Variants in BLM observed in about 807,000 individuals in gnomAD.
The protein encoded by BLM is BLM RecQ like helicase, also known as recQ-like DNA helicase BLM.
BLM carries 95 observed loss-of-function variants against 135.3 expected under a neutral mutation model. The ratio of observed to expected loss-of-function variants is 0.70; its 90% confidence interval spans 0.59 to 0.83. BLM has a LOEUF of 0.83. Among genes scored for constraint, BLM ranks in the 40% least tolerant of loss-of-function variants. BLM has a pLI of 0.00. For missense variants in BLM, 1,518 were observed against 1,663.9 expected, an observed-to-expected ratio of 0.91 and a Z score of 1.53; for synonymous variants, 520 against 589.2, an observed-to-expected ratio of 0.88 and a Z score of 1.70.
chr15:90,769,429 T>C lies in BLM; in HGVS notation c.2407-9T>C, dbSNP rs749544427. On this transcript the variant is annotated splice_polypyrimidine_tract_variant and intron_variant, in intron 11 of 21. Coordinates refer to ENST00000355112, the MANE Select transcript of BLM (RefSeq NM_000057.4). ...TAGTCTGAAAAGCAGTATTTTTTTT[T>C]CCAACTAGTGGGGACATGATTTTCG... The C allele has an allele frequency of 1.4e-5, 23 of 1,614,164 alleles. 1 individual carries two copies. In the South Asian group the frequency reaches 1.9e-4, roughly 13 times the overall value.
rs1896884343 is a variant in BLM, at chr15:90,790,724, C to T, written c.2899C>T (p.Pro967Ser). The change falls in exon 15 of 22, where the codon CCT becomes TCT. Residue 967 changes from proline (P) to serine (S), a missense_variant. Transcript: ENST00000355112. ...DVRFVIHASL[P>S]KSVEGYYQES... ...GCGATTTGTGATTCATGCATCTCTC[C>T]CTAAATCTGTGGAGGGTTACTACCA... 6.2e-7 allele frequency: 1 copy of T among 1,614,114 alleles called. No individual in the cohort carries two copies. The highest frequency in any genetic ancestry group is 8.5e-7 in the Non-Finnish European group (1 of 1,180,004).
At chr15:90,780,582 C>T (rs1345093773) in intron 12 of BLM, among the ~76,000 whole-genome samples, 5 of 152,236 alleles carry the variant, frequency 3.3e-5, no homozygotes, top group African/African-American at 1.2e-4. Context: ...GCCAGCCCTT[C>T]CTATCTGCAG....
At chr15:90,719,511 G>T (rs1894710934) in intron 1 of BLM, among the ~76,000 whole-genome samples, 2 of 152,108 alleles carry the variant, frequency 1.3e-5, no homozygotes, top group Non-Finnish European at 2.9e-5. Context: ...TGAGGCACGA[G>T]AATCGCTTGA....
intron 7 of BLM, among the ~76,000 whole-genome samples, chr15:90,762,694 TTGG>T (rs1896018401): frequency 6.6e-6 from 1 of 151,896 alleles, no homozygotes; most frequent in African/African-American, 2.4e-5. Flanking sequence ...CATGATTGTC[TTGG>T]TGGTCATGGT....
chr15:90,804,617 G>A (rs565391338), intron 19 of BLM, among the ~76,000 whole-genome samples: 1 of 151,900 alleles, frequency 6.6e-6, no homozygotes, highest in East Asian at 1.9e-4. Flanking sequence ...GTACACACCA[G>A]CATGCCCAGC....
chr15:90,761,797 C>T (rs1365482358), intron 7 of BLM, among the ~76,000 whole-genome samples: 12 of 152,012 alleles, frequency 7.9e-5, no homozygotes, highest in Admixed American at 1.3e-4. Context: ...TGTTGGGCGC[C>T]GATCATTTAA....
At chr15:90,777,105 G>A (rs1896497757) in intron 12 of BLM, among the ~76,000 whole-genome samples, 1 of 151,120 alleles carries the variant, frequency 6.6e-6, no homozygotes, top group Non-Finnish European at 1.5e-5. Context: ...AGCCTCCTGA[G>A]TAGCTGGGAC....
At position 90,790,825 on chromosome 15, in the gene BLM, A is replaced by C; in HGVS notation, c.3000A>C (p.Arg1000Ser). 2.5e-6 allele frequency: 4 copies of C among 1,613,992 alleles called. No homozygotes were observed. The highest frequency in any genetic ancestry group is 3.4e-6 in the Non-Finnish European group (4 of 1,179,890). Residue 1000 changes from arginine to serine, a missense_variant, in exon 15 of 22, where the codon AGA becomes AGC. Transcript: ENST00000355112. ...LLFYTYHDVT[R>S]LKRLIMMEKD... ...TCTATACCTATCATGATGTGACCAGACTGAAAAGACTTATAATGAGTAAGC... is the reference window on the plus strand; with the variant it reads ...TCTATACCTATCATGATGTGACCAGCCTGAAAAGACTTATAATGAGTAAGC...
At chr15:90,735,236 A>AATATAT (rs60589046) in intron 1 of BLM, among the ~76,000 whole-genome samples, 6,783 of 107,696 alleles carry the variant, frequency 0.063, 245 homozygotes, top group Non-Finnish European at 0.079. Flanking sequence ...TGCCTAAGTT[A>AATATAT]ATATATATAT....
chr15:90,760,317 A>G, intron 6 of BLM, 38 bp downstream of exon 6: 1 of 1,612,688 alleles, frequency 6.2e-7, no homozygotes, highest in Non-Finnish European at 8.5e-7. Context: ...ATATCTGATT[A>G]TATTTCTACC....
At chr15:90,808,987 A>G in intron 19 of BLM, 150 bp from the exon 20 acceptor site, 1 of 1,061,216 alleles carries the variant, frequency 9.4e-7, no homozygotes, top group East Asian at 2.4e-5. Context: ...TGAGGTGCTA[A>G]CTTTGCCTTT....
chr15:90,753,747 A>G (rs1279910596), intron 4 of BLM, among the ~76,000 whole-genome samples: 4 of 152,370 alleles, frequency 2.6e-5, no homozygotes, highest in Non-Finnish European at 5.9e-5. Context: ...AACAGAGAAG[A>G]GAGACCTGTT....
intron 12 of BLM, among the ~76,000 whole-genome samples, chr15:90,774,692 G>C (rs1317693500): frequency 2.0e-5 from 3 of 151,650 alleles, no homozygotes; most frequent in Non-Finnish European, 4.4e-5. Context: ...AAATTAGCCG[G>C]GCGTGGTGGC....
chr15:90,726,952 G>T (rs1894935532), intron 1 of BLM, among the ~76,000 whole-genome samples: 1 of 152,136 alleles, frequency 6.6e-6, no homozygotes, highest in South Asian at 2.1e-4. Flanking sequence ...GTGTTCAGTA[G>T]TGGGTTTGCT....
rs1172986293 is a variant in BLM, at chr15:90,717,399, A to G, written c.-46A>G. The stretch of plus-strand genomic sequence containing the variant: ...CGGCGGCCGTGGTTGCGGCGCGGGA[A>G]GTTTGGATCCTGGTTCCGTCCGCTA... On this transcript the variant is annotated 5_prime_UTR_variant, in exon 1 of 22. Coordinates refer to ENST00000355112, the MANE Select transcript of BLM (RefSeq NM_000057.4). 6.6e-6 allele frequency: 1 copy of G among 152,382 alleles called. No individual in the cohort carries two copies. Among genetic ancestry groups the G allele is most frequent in the East Asian group, 1.9e-4 (1 of 5,190 alleles). 9.4% of individuals were successfully genotyped at this position (152,382 alleles called of 1,614,324 possible).
chr15:90,758,592 A>C (rs914567743), intron 5 of BLM, among the ~76,000 whole-genome samples: 1 of 152,200 alleles, frequency 6.6e-6, no homozygotes, highest in Non-Finnish European at 1.5e-5. Flanking sequence ...TTGTTCAAAC[A>C]TCATATCAGG....
intron 1 of BLM, among the ~76,000 whole-genome samples, chr15:90,735,054 A>G (rs1895173982): frequency 6.6e-6 from 1 of 151,998 alleles, no homozygotes; most frequent in Admixed American, 6.5e-5. Context: ...GTTTGAATAT[A>G]TAATGAAGGG....
chr15:90,754,606 G>T (rs1489734787), intron 4 of BLM, among the ~76,000 whole-genome samples: 4 of 152,124 alleles, frequency 2.6e-5, no homozygotes, highest in Non-Finnish European at 4.4e-5. Context: ...GGACATAATC[G>T]GAGATAATGT....
chr15:90,781,023 G>GT (rs1218076863), intron 12 of BLM, among the ~76,000 whole-genome samples: 1 of 152,152 alleles, frequency 6.6e-6, no homozygotes, highest in Non-Finnish European at 1.5e-5. Flanking sequence ...GTCTGAATTT[G>GT]TTTAAGATTC....
Sources: gnomAD v4.1 joint callset for allele counts (sites outside exome capture counted in the v4.1 genomes callset) on GRCh38, gnomAD v4.1.1 for gene constraint, MANE v1.5 for transcripts, NCBI Gene and HGNC (gene_info 2026-07-23, HGNC 2026-07-21) for gene names.